ERCC6: variants seen among roughly 807,000 people sequenced by gnomAD.
The protein encoded by ERCC6 is DNA excision repair protein ERCC-6.
Under a neutral mutation model 158.7 loss-of-function variants are expected in ERCC6, and 116 were observed. That is an observed-to-expected ratio of 0.73 (90% confidence interval 0.63 to 0.85). ERCC6 has a LOEUF of 0.85. Among genes scored for constraint, ERCC6 ranks in the 40% least tolerant of loss-of-function variants. ERCC6 has a pLI of 0.00. For missense variants in ERCC6, 1,698 were observed against 1,799.4 expected, an observed-to-expected ratio of 0.94 and a Z score of 1.02; for synonymous variants, 678 against 659.3, an observed-to-expected ratio of 1.03 and a Z score of -0.43.
chr10:49,529,279 T>C (rs1240414561), intron 3 of ERCC6, among the ~76,000 whole-genome samples: 1 of 152,244 alleles, frequency 6.6e-6, no homozygotes, highest in East Asian at 1.9e-4. Flanking sequence ...CTGCAATGAC[T>C]TGCAATTTGT....
At chr10:49,514,682 G>A (rs1466620376) in intron 5 of ERCC6, among the ~76,000 whole-genome samples, 2 of 152,116 alleles carry the variant, frequency 1.3e-5, no homozygotes, top group Non-Finnish European at 2.9e-5. Context: ...TCTACCTATT[G>A]CAATATCCAT....
rs143976179 is a variant in ERCC6 at position 49,504,603 on chromosome 10, C to T, written c.1526+1281G>A. 9 of 152,232 alleles carry T rather than the reference C, an allele frequency of 5.9e-5. No individual in the cohort carries two copies. In the East Asian group the frequency reaches 1.7e-3, roughly 29 times the overall value. 9.4% of individuals were successfully genotyped at this position (152,232 alleles called of 1,614,324 possible). A position where few individuals can be genotyped will look rare whatever the true frequency, so the allele number is the denominator to read the frequency against. On this transcript the variant is annotated intron_variant, in intron 6 of 20. Transcript: ENST00000355832. ...AATTTGGGTATTCCTTTTGCTAGTA[C>T]AACACTGATGGTATTTGGCTTGTTT...
chr10:49,436,213 G>A, the ERCC6 span, among the ~76,000 whole-genome samples: 1 of 152,070 alleles, frequency 6.6e-6, no homozygotes, highest in African/African-American at 2.4e-5. Context: ...GCTGGATTAA[G>A]TACTTAAATG....
At chr10:49,482,634 A>G in intron 10 of ERCC6, 53 bp downstream of exon 10, 1 of 1,508,232 alleles carries the variant, frequency 6.6e-7, no homozygotes, top group South Asian at 1.1e-5. Context: ...AGTATTTAAT[A>G]GGAGCACTTT....
chr10:49,441,152 C>A, the ERCC6 span, among the ~76,000 whole-genome samples: 1 of 152,212 alleles, frequency 6.6e-6, no homozygotes. Flanking sequence ...CTGTCATTGT[C>A]CGTGCCTACA....
chr10:49,532,219 T>C (rs1431456135), intron 2 of ERCC6, among the ~76,000 whole-genome samples: 2 of 152,182 alleles, frequency 1.3e-5, no homozygotes, highest in African/African-American at 2.4e-5. Context: ...GCATCTCGAA[T>C]AGGAAACACC....
At chr10:49,445,700 G>C in the ERCC6 span, among the ~76,000 whole-genome samples, 1 of 152,190 alleles carries the variant, frequency 6.6e-6, no homozygotes, top group Non-Finnish European at 1.5e-5. Flanking sequence ...TAACGACATA[G>C]CTGAGATCTT....
intron 1 of ERCC6, among the ~76,000 whole-genome samples, chr10:49,534,133 C>CA (rs746772551): frequency 0.39 from 23,222 of 60,022 alleles, 3,713 homozygotes; most frequent in Non-Finnish European, 0.44. Context: ...GACTCAATCT[C>CA]AAAAAAAAAA....
intron 8 of ERCC6, among the ~76,000 whole-genome samples, chr10:49,489,035 A>C (rs777474123): frequency 2.6e-5 from 4 of 152,150 alleles, no homozygotes; most frequent in Non-Finnish European, 5.9e-5. Flanking sequence ...CGCCGGCCTC[A>C]GCCTCCCAAA....
At position 49,458,457 on chromosome 10, in the gene ERCC6, A is replaced by G. The variant is rs1850518714; in HGVS notation, c.*358T>C. ...ACCTGTTTTTAGCACCAATAAAAAA[A>G]AATATTGAGATTTCTGTTCTGCAAA... On this transcript the variant is annotated 3_prime_UTR_variant, in exon 21 of 21. Transcript: ENST00000355832. 4 of 262,318 alleles carry G rather than the reference A, an allele frequency of 1.5e-5. No homozygotes were observed. The South Asian group carries it at 1.9e-4, about 12-fold the overall frequency. 16.2% of individuals were successfully genotyped at this position (262,318 alleles called of 1,614,324 possible).
chr10:49,448,530 AACCATCACC>A, the ERCC6 span, among the ~76,000 whole-genome samples: 1 of 152,222 alleles, frequency 6.6e-6, no homozygotes, highest in Non-Finnish European at 1.5e-5. Flanking sequence ...AGATACATGC[AACCATCACC>A]ACCTCAATTT....
intron 18 of ERCC6, among the ~76,000 whole-genome samples, chr10:49,467,458 T>C (rs1403718460): frequency 6.6e-6 from 1 of 152,234 alleles, no homozygotes; most frequent in Non-Finnish European, 1.5e-5. Context: ...AATTGGCATT[T>C]CCCTAATAAC....
the ERCC6 span, among the ~76,000 whole-genome samples, chr10:49,438,055 T>A: frequency 1.3e-5 from 2 of 152,318 alleles, no homozygotes; most frequent in Admixed American, 6.5e-5. Context: ...TATTGTTATT[T>A]TCTAAAAACG....
chr10:49,505,575 A>G lies in ERCC6; in HGVS notation c.1526+309T>C, dbSNP rs530744532. On this transcript the variant is annotated intron_variant, in intron 6 of 20. Transcript: ENST00000355832. Reference sequence around the variant, plus strand: ...AGAAATTAGGAGTTTGGCACCTTAAAATTACTAAGAACAAAAAAATTATTC... The same window carrying G: ...AGAAATTAGGAGTTTGGCACCTTAAGATTACTAAGAACAAAAAAATTATTC... 14 of 249,462 alleles carry G rather than the reference A, an allele frequency of 5.6e-5. No homozygotes were observed. The South Asian group carries it at 1.3e-3, about 23-fold the overall frequency. The allele number at this position is 249,462 out of a possible 1,614,324, so 15.5% of individuals were successfully genotyped here.
intron 12 of ERCC6, 69 bp from the exon 13 acceptor site, chr10:49,474,311 G>A: frequency 7.9e-7 from 1 of 1,273,398 alleles, no homozygotes; most frequent in Non-Finnish European, 1.1e-6. Flanking sequence ...AGGCAAGGAG[G>A]CTGTTTAACC....
rs773446494 is a variant in ERCC6 at position 49,500,716 on chromosome 10, C to T, written c.1527-20G>A. 6.2e-7 allele frequency: 1 copy of T among 1,612,790 alleles called. No individual in the cohort carries two copies. The highest frequency in any genetic ancestry group is 1.7e-5 in the Admixed American group (1 of 59,988). On this transcript the variant is annotated intron_variant, in intron 6 of 20. Transcript: ENST00000355832. ...TGGTACCTATGACAACAAACACCAA[C>T]AAGAAAAGAGAAAATGGCAAATGGT...
At chr10:49,523,747 C>A (rs995724221) in intron 5 of ERCC6, among the ~76,000 whole-genome samples, 11 of 152,132 alleles carry the variant, frequency 7.2e-5, no homozygotes, top group Non-Finnish European at 5.9e-5. Flanking sequence ...ACAGCTCACA[C>A]TCAGCCCTCT....
intron 7 of ERCC6, 89 bp from the exon 8 acceptor site, chr10:49,493,341 A>C: frequency 6.6e-7 from 1 of 1,510,468 alleles, no homozygotes; most frequent in Non-Finnish European, 9.1e-7. Flanking sequence ...CAACAAACAA[A>C]AAACTTAGTT....
intron 1 of ERCC6, among the ~76,000 whole-genome samples, chr10:49,534,735 A>C (rs755085641): frequency 6.6e-6 from 1 of 152,206 alleles, no homozygotes; most frequent in Non-Finnish European, 1.5e-5. Context: ...CAAAACGATA[A>C]CCAAAAATCA....
Sources: allele counts gnomAD v4.1 joint callset (sites outside exome capture counted in the v4.1 genomes callset), GRCh38; gene constraint gnomAD v4.1.1; transcripts MANE v1.5; gene names NCBI Gene and HGNC (gene_info 2026-07-23, HGNC 2026-07-21).